Variants in CCSER1 observed in about 807,000 individuals in gnomAD.
The protein encoded by CCSER1 is coiled-coil serine rich protein 1.
Under a neutral mutation model 82.0 loss-of-function variants are expected in CCSER1, and 41 were observed. That is an observed-to-expected ratio of 0.50 (90% CI 0.39 to 0.65). The LOEUF (loss-of-function observed/expected upper bound fraction) is 0.65. Ranked by LOEUF, CCSER1 falls within the 30% of genes least tolerant of loss-of-function variation. The pLI is 0.00. For synonymous variants in CCSER1, 414 were observed against 383.9 expected, an observed-to-expected ratio of 1.08 and a Z score of -0.92; for missense variants, 1,119 against 1,064.2, an observed-to-expected ratio of 1.05 and a Z score of -0.72.
chr4:91,325,193 G>A (rs3762827), intron 10 of CCSER1: 339,753 of 455,588 alleles, frequency 0.75, 128,351 homozygotes, highest in African/African-American at 0.93. Context: ...AGCATAGTAG[G>A]TGGCTCTTGC....
At chr4:90,813,560 T>C (rs969493625) in intron 7 of CCSER1, among the ~76,000 whole-genome samples, 3 of 152,142 alleles carry the variant, frequency 2.0e-5, no homozygotes, top group African/African-American at 4.8e-5. Flanking sequence ...GGGCTGTTCT[T>C]TCCTATGCTA....
rs1242269129 is a variant in CCSER1 at position 90,962,486 on chromosome 4, C to T, written c.2172+39039C>T. ...ATATTTTAATCTAAATTCAATTTGA[C>T]AGTAAAATAAAAGAGTATTTGAAAT... is the stretch of plus-strand genomic sequence containing the variant. On this transcript the variant is annotated intron_variant, in intron 9 of 10. Coordinates refer to ENST00000509176, the MANE Select transcript of CCSER1 (RefSeq NM_001145065.2). Among the ~76,000 whole-genome samples, 7 of 152,120 alleles carry T rather than the reference C, an allele frequency of 4.6e-5. No homozygotes were observed. The South Asian group carries it at 1.5e-3, about 32-fold the overall frequency.
At chr4:90,339,565 T>C (rs1371251369) in intron 3 of CCSER1, among the ~76,000 whole-genome samples, 1 of 152,094 alleles carries the variant, frequency 6.6e-6, no homozygotes, top group East Asian at 1.9e-4. Context: ...TTATCCTTCT[T>C]AATTTTTCTT....
At chr4:90,721,728 A>G (rs1299998504) in intron 6 of CCSER1, among the ~76,000 whole-genome samples, 1 of 151,750 alleles carries the variant, frequency 6.6e-6, no homozygotes, top group Non-Finnish European at 1.5e-5. Context: ...ATTTGATCTA[A>G]AAGAATAAGC....
chr4:91,310,592 A>C (rs1745398891), intron 10 of CCSER1, among the ~76,000 whole-genome samples: 1 of 151,786 alleles, frequency 6.6e-6, no homozygotes, highest in Non-Finnish European at 1.5e-5. Flanking sequence ...CTGAATTCCA[A>C]GCTCTAATTC....
chr4:91,342,061 C>A (rs796458822), intron 10 of CCSER1, among the ~76,000 whole-genome samples: 3 of 152,208 alleles, frequency 2.0e-5, no homozygotes, highest in African/African-American at 7.2e-5. Flanking sequence ...ATTTCTGTCA[C>A]CTGTTTTGCT....
chr4:91,452,300 A>G (rs868013916), intron 10 of CCSER1, among the ~76,000 whole-genome samples: 3 of 152,122 alleles, frequency 2.0e-5, no homozygotes, highest in Middle Eastern at 6.8e-3. Flanking sequence ...TTGTAACTCA[A>G]GCCTTTTGAA....
intron 1 of CCSER1, among the ~76,000 whole-genome samples, chr4:90,227,946 A>T (rs1743543260): frequency 6.6e-6 from 1 of 152,198 alleles, no homozygotes; most frequent in African/African-American, 2.4e-5. Context: ...AGGAGATTAT[A>T]TCCCGCACCT....
At chr4:91,253,860 G>C (rs1252473939) in intron 10 of CCSER1, among the ~76,000 whole-genome samples, 8 of 151,996 alleles carry the variant, frequency 5.3e-5, no homozygotes, top group East Asian at 1.9e-4. Flanking sequence ...AGAGAGGAGT[G>C]GGGGGAGGTG....
chr4:91,049,320 T>G (rs1742797490), intron 9 of CCSER1, among the ~76,000 whole-genome samples: 1 of 152,180 alleles, frequency 6.6e-6, no homozygotes, highest in African/African-American at 2.4e-5. Flanking sequence ...TGCACCTATT[T>G]GAATCCTTTA....
chr4:91,590,229 CAGA>C (rs1195287521), intron 10 of CCSER1, among the ~76,000 whole-genome samples: 11 of 151,978 alleles, frequency 7.2e-5, no homozygotes, highest in African/African-American at 2.7e-4. Flanking sequence ...GAGGTTGAAC[CAGA>C]AGAAGTAGTT....
chr4:91,150,354 G>C (rs537087526), intron 10 of CCSER1, among the ~76,000 whole-genome samples: 2 of 152,266 alleles, frequency 1.3e-5, no homozygotes, highest in African/African-American at 4.8e-5. Context: ...TGCTGAAGTT[G>C]CTTATCAGCT....
intron 6 of CCSER1, among the ~76,000 whole-genome samples, chr4:90,691,346 C>G (rs1735791459): frequency 6.6e-6 from 1 of 151,818 alleles, no homozygotes; most frequent in Admixed American, 6.6e-5. Context: ...GCTAACACAG[C>G]TTAGACCAGT....
intron 10 of CCSER1, among the ~76,000 whole-genome samples, chr4:91,225,342 TA>T (rs1738092840): frequency 7.7e-6 from 1 of 129,474 alleles, no homozygotes; most frequent in Non-Finnish European, 1.6e-5. Flanking sequence ...ATTATATATG[TA>T]ATATATATGT....
chr4:90,498,800 T>C (rs1273980416), intron 5 of CCSER1, among the ~76,000 whole-genome samples: 1 of 152,160 alleles, frequency 6.6e-6, no homozygotes, highest in Non-Finnish European at 1.5e-5. Flanking sequence ...ATTCTTTATA[T>C]GTGTTTTAAA....
intron 4 of CCSER1, among the ~76,000 whole-genome samples, chr4:90,429,083 T>TG (rs1315381804): frequency 1.3e-5 from 2 of 151,804 alleles, no homozygotes; most frequent in African/African-American, 2.4e-5. Flanking sequence ...TTGTGTGTGT[T>TG]GGGGGGTATT....
intron 6 of CCSER1, among the ~76,000 whole-genome samples, chr4:90,700,934 G>A (rs1344335211): frequency 2.0e-5 from 3 of 152,092 alleles, no homozygotes; most frequent in East Asian, 1.9e-4. Context: ...TCTGTAGGTT[G>A]CCTGTTCACT....
chr4:91,209,943 C>T (rs1023661981), intron 10 of CCSER1, among the ~76,000 whole-genome samples: 3 of 151,788 alleles, frequency 2.0e-5, no homozygotes, highest in Middle Eastern at 6.8e-3. Flanking sequence ...AATGAGCATA[C>T]CTACCACCCA....
In CCSER1 at chr4:90,740,550, T is replaced by G. The variant is rs150958756; in HGVS notation, c.2010+16559T>G. Among the ~76,000 whole-genome samples the G allele has an allele frequency of 4.7e-4, 72 of 152,328 alleles. 1 individual carries two copies. In the East Asian group the frequency reaches 0.011, roughly 24 times the overall value. On this transcript the variant is annotated intron_variant, in intron 7 of 10. Coordinates refer to ENST00000509176, the MANE Select transcript of CCSER1 (RefSeq NM_001145065.2). ...CATTAGCAAATACTTTCATGTTGTC[T>G]ATTAGCATCATATTGCTGTTCAAAT... is the stretch of plus-strand genomic sequence containing the variant.
Sources: gnomAD v4.1 joint callset for allele counts (sites outside exome capture counted in the v4.1 genomes callset) on GRCh38, gnomAD v4.1.1 for gene constraint, MANE v1.5 for transcripts, NCBI Gene and HGNC (gene_info 2026-07-23, HGNC 2026-07-21) for gene names.